GREB1: variants seen among roughly 807,000 people sequenced by gnomAD.
The protein encoded by GREB1 is growth regulating estrogen receptor binding 1.
Under a neutral mutation model 200.7 loss-of-function variants are expected in GREB1, and 106 were observed. The observed-to-expected ratio is 0.53, with a 90% CI of 0.45 to 0.62. The LOEUF is 0.62. GREB1 is among the 20% of genes least tolerant of loss of function. The pLI is 0.00. For missense variants in GREB1, 2,243 were observed against 2,556.8 expected (o/e 0.88, Z 2.65); for synonymous variants, 1,132 against 1,092.4 (o/e 1.04, Z -0.72).
At chr2:11,519,448 G>GTTTTT (rs1558497818) in intron 1 of GREB1, among the ~76,000 whole-genome samples, 6 of 90,168 alleles carry the variant, frequency 6.7e-5, no homozygotes, top group African/African-American at 3.2e-4. Flanking sequence ...TACTTGTTTT[G>GTTTTT]GTTTTTTTTT....
At chr2:11,563,968 T>C (rs939039918) in intron 3 of GREB1, among the ~76,000 whole-genome samples, 1 of 151,956 alleles carries the variant, frequency 6.6e-6, no homozygotes, top group African/African-American at 2.4e-5. Flanking sequence ...GTAGAGAGTT[T>C]TGGGAAGGCT....
chr2:11,527,133 G>C (rs1417629926), intron 1 of GREB1, among the ~76,000 whole-genome samples: 1 of 152,130 alleles, frequency 6.6e-6, no homozygotes, highest in Non-Finnish European at 1.5e-5. Context: ...GAGCCATGTA[G>C]TGTACTACTA....
intron 1 of GREB1, among the ~76,000 whole-genome samples, chr2:11,519,612 C>T (rs1022241445): frequency 3.9e-5 from 6 of 151,958 alleles, no homozygotes; most frequent in African/African-American, 4.8e-5. Context: ...CCTGCCATCA[C>T]GCCTGGCTAA....
intron 24 of GREB1, among the ~76,000 whole-genome samples, chr2:11,626,053 G>C (rs934279881): frequency 6.6e-6 from 1 of 152,114 alleles, no homozygotes; most frequent in Non-Finnish European, 1.5e-5. Context: ...CTGCCCCCAT[G>C]ATTCAGTTAT....
chr2:11,572,196 C>T lies in GREB1; in HGVS notation c.455-4157C>T, dbSNP rs558619037. Among the ~76,000 whole-genome samples, 58 of 152,380 alleles carry T rather than the reference C, an allele frequency of 3.8e-4. No individual in the cohort carries two copies. The East Asian group carries it at 9.8e-3, about 26-fold the overall frequency. On this transcript the variant is annotated intron_variant, in intron 4 of 32. Coordinates refer to ENST00000381486, the MANE Select transcript of GREB1 (RefSeq NM_014668.4). ...TGGCCTAGAGTAAGGCCCTTCTGAG[C>T]ATCCACTCTCCTGGGAAGGCACTGG...
At chr2:11,551,172 G>T (rs1316659316) in intron 1 of GREB1, among the ~76,000 whole-genome samples, 1 of 152,198 alleles carries the variant, frequency 6.6e-6, no homozygotes, top group Non-Finnish European at 1.5e-5. Context: ...GATCAGAAGG[G>T]CCAGTGGAAG....
intron 9 of GREB1, among the ~76,000 whole-genome samples, chr2:11,586,821 G>A (rs1558589441): frequency 1.3e-5 from 2 of 152,172 alleles, no homozygotes; most frequent in Non-Finnish European, 2.9e-5. Flanking sequence ...TTCGACCTTA[G>A]CATGACGCAG....
At position 11,618,727 on chromosome 2, in the gene GREB1, G is replaced by C; in HGVS notation, c.3852G>C (p.Leu1284=). ...SSGLPKAASL[L]PSPSVMWASS... Reference sequence around the variant, plus strand: ...GCCTGCCCAAGGCCGCCTCCCTCCTGCCCTCCCCCTCGGTCATGTGGGCCA... The same window carrying C: ...GCCTGCCCAAGGCCGCCTCCCTCCTCCCCTCCCCCTCGGTCATGTGGGCCA... The change falls in exon 22 of 33, where the codon CTG becomes CTC. Residue 1284 remains leucine (L), a synonymous_variant. Transcript: ENST00000381486. The C allele has an allele frequency of 6.8e-6, 11 of 1,613,496 alleles. No individual in the cohort carries two copies. Among genetic ancestry groups the C allele is most frequent in the Non-Finnish European group, 8.5e-6 (10 of 1,179,806 alleles).
chr2:11,640,497 C>T lies in GREB1; in HGVS notation c.*43C>T. ...TTTCTGAAGAGATGAGTGCTCAGAG[C>T]CCTCATGCTGTTGAGGCTAAAGGGA... On this transcript the variant is annotated 3_prime_UTR_variant, in exon 33 of 33. Transcript: ENST00000381486. This position sits in a 1 kb window ranked among gnomAD's most constrained non-coding sequence, Gnocchi z 4.6. The T allele has an allele frequency of 3.7e-6, 6 of 1,605,570 alleles. No individual in the cohort carries two copies. Among genetic ancestry groups the T allele is most frequent in the African/African-American group, 1.3e-5 (1 of 74,800 alleles).
At chr2:11,584,440 C>A (rs1313277307) in intron 7 of GREB1, among the ~76,000 whole-genome samples, 1 of 152,114 alleles carries the variant, frequency 6.6e-6, no homozygotes, top group Non-Finnish European at 1.5e-5. Context: ...GTACTGCCCC[C>A]AAGCGGTGGA....
Position 11,596,179 on chromosome 2 carries a change from G to A in GREB1, c.1894G>A (p.Ala632Thr), listed in dbSNP as rs36030386. The change falls in exon 13 of 33, where the codon GCT (alanine) becomes ACT (threonine). Residue 632 changes from alanine to threonine, a missense_variant. Coordinates refer to ENST00000381486, the MANE Select transcript of GREB1 (RefSeq NM_014668.4). ...TCAAGGCCATATTTCTTCCTCACTC[G>A]CTGCCTCTTCTGTCACTAAAGCAGC... ...ENQGHISSSLAASSVTKAASL... is the reference protein window; with the variant it reads ...ENQGHISSSLTASSVTKAASL... 0.15 allele frequency: 243,892 copies of A among 1,612,414 alleles called. 24,158 individuals are homozygous for A. Among genetic ancestry groups the A allele is most frequent in the African/African-American group, 0.49 (36,522 of 74,858 alleles).
rs370293595 is a variant in GREB1, at chr2:11,610,694, C to T, written c.2673C>T (p.Pro891=). The change falls in exon 18 of 33, where the codon CCC becomes CCT. Residue 891 remains proline (P), a synonymous_variant. Transcript: ENST00000381486. ...CTCTCTGTGTTCCTTGCAGGTTCCCCCGCCTGCACAGCGCGGTGATCAGGA... is the reference window on the plus strand; with the variant it reads ...CTCTCTGTGTTCCTTGCAGGTTCCCTCGCCTGCACAGCGCGGTGATCAGGA... The part of the protein sequence containing the change: ...AMVTALGKRF[P]RLHSAVIRTF... The T allele has an allele frequency of 4.4e-6, 7 of 1,608,796 alleles. No individual in the cohort carries two copies. The highest frequency in any genetic ancestry group is 5.9e-6 in the Non-Finnish European group (7 of 1,177,248).
In GREB1 at chr2:11,578,293, T is replaced by A; in HGVS notation, c.638-4T>A. 6.2e-7 allele frequency: 1 copy of A among 1,611,768 alleles called. No individual in the cohort carries two copies. The highest frequency in any genetic ancestry group is 8.5e-7 in the Non-Finnish European group (1 of 1,178,120). On this transcript the variant is annotated splice_polypyrimidine_tract_variant and splice_region_variant and intron_variant, in intron 5 of 32. Coordinates refer to ENST00000381486, the MANE Select transcript of GREB1 (RefSeq NM_014668.4). ...GTTTTCACGTGTGCACCTTGCCCCC[T>A]TAGAGTTTAGAAGCCGGCAGATCCC...
chr2:11,510,141 T>C (rs987228878), intron 1 of GREB1, among the ~76,000 whole-genome samples: 2 of 152,246 alleles, frequency 1.3e-5, no homozygotes, highest in Admixed American at 1.3e-4. Flanking sequence ...GCTGATTGCA[T>C]CACTGGGCTG....
At position 11,618,339 on chromosome 2, in the gene GREB1, G is replaced by A. The variant is rs1471595147; in HGVS notation, c.3464G>A (p.Gly1155Glu). 1 of 1,605,288 alleles carries A rather than the reference G, an allele frequency of 6.2e-7. No homozygotes were observed. Among genetic ancestry groups the A allele is most frequent in the East Asian group, 2.2e-5 (1 of 44,688 alleles). Residue 1155 changes from glycine to glutamate, a missense_variant, in exon 22 of 33, where the codon GGA (glycine) becomes GAA (glutamate). Gly to Glu is a moderately conservative substitution (Grantham distance 98). Around this residue, in one of 3 missense-constraint regions of GREB1, gnomAD observed 587 missense variants for 553.1 expected, o/e 1.06. Transcript: ENST00000381486. ...GCTCAGCCCACAGCACTCCCCCAGG[G>A]AGAGCATGCCAGGTCGCCCCAGCCC... ...SSAQPTALPQGEHARSPQPRG... is the reference protein window; with the variant it reads ...SSAQPTALPQEEHARSPQPRG...
In GREB1 at chr2:11,633,797, G is replaced by A. The variant is rs932052550; in HGVS notation, c.4992-334G>A. Among the ~76,000 whole-genome samples the A allele has an allele frequency of 2.0e-5, 3 of 151,638 alleles. No homozygotes were observed. The highest frequency in any genetic ancestry group is 4.9e-5 in the African/African-American group (2 of 41,226). On this transcript the variant is annotated intron_variant, in intron 28 of 32. Transcript: ENST00000381486. The surrounding 1 kb of genome is among the most constrained non-coding windows in gnomAD (Gnocchi z 4.1). The stretch of plus-strand genomic sequence containing the variant: ...ACCCCTCCTCACTAGCCTGACTGCT[G>A]ACTCCTAGCTTTATTTTTATTTGCT...
intron 1 of GREB1, among the ~76,000 whole-genome samples, chr2:11,528,724 C>T (rs1052161021): frequency 6.6e-6 from 1 of 152,134 alleles, no homozygotes; most frequent in Non-Finnish European, 1.5e-5. Flanking sequence ...TCCTTAATAC[C>T]AATATGCCTA....
chr2:11,592,131 T>A (rs1427432135), intron 10 of GREB1: 6 of 980,104 alleles, frequency 6.1e-6, no homozygotes, highest in Non-Finnish European at 7.3e-6. Context: ...TTCTGAATTC[T>A]GTTTAAAGAC....
chr2:11,590,883 G>C (rs988156787), intron 10 of GREB1, among the ~76,000 whole-genome samples: 7 of 152,134 alleles, frequency 4.6e-5, no homozygotes, highest in African/African-American at 1.4e-4. Flanking sequence ...ATCCCAAGGA[G>C]AGGGGCTGAT....
Sources: allele counts gnomAD v4.1 joint callset (sites outside exome capture counted in the v4.1 genomes callset), GRCh38; gene constraint gnomAD v4.1.1; regional missense constraint gnomAD v4.1.1; non-coding constraint Gnocchi (gnomAD v3.1); transcripts MANE v1.5; gene names NCBI Gene and HGNC (gene_info 2026-07-23, HGNC 2026-07-21).